Variants in KCNIP4 observed in about 807,000 individuals in gnomAD.
The protein encoded by KCNIP4 is Kv channel-interacting protein 4.
A neutral mutation model predicts 34.0 loss-of-function variants in KCNIP4; 12 were observed. That is an observed-to-expected ratio of 0.35 (90% CI 0.23 to 0.57). The LOEUF (loss-of-function observed/expected upper bound fraction) is 0.57, where lower values mean the gene tolerates loss of function less well. Among genes scored for constraint, KCNIP4 ranks in the 20% least tolerant of loss-of-function variants. The pLI is 0.83. For missense variants in KCNIP4, 238 were observed against 311.7 expected (o/e 0.76, Z 1.78); for synonymous variants, 124 against 102.2 (o/e 1.21, Z -1.29).
intron 1 of KCNIP4, among the ~76,000 whole-genome samples, chr4:21,523,082 G>A (rs1735678309): frequency 1.3e-5 from 2 of 151,944 alleles, no homozygotes; most frequent in Admixed American, 6.6e-5. Context: ...GAGCTAGCTA[G>A]CCCCTTCCAC....
intron 1 of KCNIP4, among the ~76,000 whole-genome samples, chr4:21,120,767 G>T (rs1441930167): frequency 6.6e-6 from 1 of 152,114 alleles, no homozygotes; most frequent in African/African-American, 2.4e-5. Flanking sequence ...GATTTGGGTG[G>T]GGACACAAAG....
intron 1 of KCNIP4, among the ~76,000 whole-genome samples, chr4:21,861,494 A>G (rs1441959108): frequency 6.6e-6 from 1 of 152,056 alleles, no homozygotes; most frequent in African/African-American, 2.4e-5. Context: ...TCTATTAAAA[A>G]TACAAAAATT....
At chr4:21,642,437 C>A (rs1346479966) in intron 1 of KCNIP4, among the ~76,000 whole-genome samples, 5 of 152,122 alleles carry the variant, frequency 3.3e-5, no homozygotes, top group African/African-American at 9.7e-5. Flanking sequence ...CAGTACCTTG[C>A]AGAGCTGTAG....
At chr4:21,694,137 A>G (rs1577859081) in intron 1 of KCNIP4, among the ~76,000 whole-genome samples, 2 of 152,202 alleles carry the variant, frequency 1.3e-5, no homozygotes, top group Non-Finnish European at 2.9e-5. Flanking sequence ...AATAACATTC[A>G]TCCTTCTCAA....
At chr4:20,914,082 G>A (rs538320215) in intron 1 of KCNIP4, among the ~76,000 whole-genome samples, 3 of 152,074 alleles carry the variant, frequency 2.0e-5, no homozygotes, top group South Asian at 2.1e-4. Flanking sequence ...GCTTGAACCC[G>A]GGAGGAGGAG....
intron 3 of KCNIP4, among the ~76,000 whole-genome samples, chr4:20,773,760 A>T (rs1491366): frequency 0.095 from 14,398 of 152,206 alleles, 981 homozygotes; most frequent in African/African-American, 0.2. Flanking sequence ...TAGATAATTT[A>T]AAAAATTAAC....
At chr4:21,673,540 C>A (rs1749661189) in intron 1 of KCNIP4, among the ~76,000 whole-genome samples, 1 of 151,778 alleles carries the variant, frequency 6.6e-6, no homozygotes, top group African/African-American at 2.4e-5. Flanking sequence ...AAAAAATAAA[C>A]CCTCCACTAA....
intron 1 of KCNIP4, among the ~76,000 whole-genome samples, chr4:21,728,285 T>C (rs1356470193): frequency 6.6e-6 from 1 of 152,206 alleles, no homozygotes; most frequent in Admixed American, 6.5e-5. Flanking sequence ...TCTCTGTAAA[T>C]GGCAATACCC....
At chr4:21,467,137 C>G (rs996051646) in intron 1 of KCNIP4, among the ~76,000 whole-genome samples, 1 of 144,310 alleles carries the variant, frequency 6.9e-6, no homozygotes, top group Non-Finnish European at 1.5e-5. Context: ...CATAATAAAA[C>G]AAACTGGATA....
chr4:21,475,938 T>G (rs1289642989), intron 1 of KCNIP4, among the ~76,000 whole-genome samples: 1 of 152,174 alleles, frequency 6.6e-6, no homozygotes, highest in African/African-American at 2.4e-5. Flanking sequence ...TTTTTTCCAA[T>G]GCGCTGTTAT....
chr4:21,947,784 C>T (rs935642631), intron 1 of KCNIP4, among the ~76,000 whole-genome samples: 12 of 152,174 alleles, frequency 7.9e-5, no homozygotes, highest in African/African-American at 1.9e-4. Flanking sequence ...TTTCCGGCTC[C>T]TGTAAAATAC....
At chr4:21,420,516 A>G (rs1234869536) in intron 1 of KCNIP4, among the ~76,000 whole-genome samples, 1 of 152,056 alleles carries the variant, frequency 6.6e-6, no homozygotes, top group Non-Finnish European at 1.5e-5. Flanking sequence ...GAGATTCAAA[A>G]CCCTCAACAT....
At chr4:20,845,924 A>G (rs1306577466) in intron 3 of KCNIP4, among the ~76,000 whole-genome samples, 2 of 152,174 alleles carry the variant, frequency 1.3e-5, no homozygotes, top group East Asian at 3.9e-4. Context: ...GGCCTCATGA[A>G]ACTCCAACCA....
chr4:21,907,520 A>G (rs1728070652), intron 1 of KCNIP4, among the ~76,000 whole-genome samples: 1 of 152,194 alleles, frequency 6.6e-6, no homozygotes, highest in African/African-American at 2.4e-5. Context: ...ACTATTATGT[A>G]CTTTCTTATA....
intron 1 of KCNIP4, among the ~76,000 whole-genome samples, chr4:21,518,851 G>A (rs1735005330): frequency 6.6e-6 from 1 of 152,028 alleles, no homozygotes; most frequent in South Asian, 2.1e-4. Flanking sequence ...GAGCCCAACA[G>A]GAGAGAGTTT....
intron 1 of KCNIP4, among the ~76,000 whole-genome samples, chr4:21,119,891 A>C (rs115054961): frequency 6.6e-6 from 1 of 152,150 alleles, no homozygotes; most frequent in East Asian, 1.9e-4. Flanking sequence ...TTGTCTTTCA[A>C]TGTGTCAGCA....
At chr4:21,622,165 G>C (rs1233273080) in intron 1 of KCNIP4, among the ~76,000 whole-genome samples, 1 of 152,130 alleles carries the variant, frequency 6.6e-6, no homozygotes, top group Non-Finnish European at 1.5e-5. Context: ...CTGTCACCAG[G>C]TAGCAACTAC....
chr4:20,758,874 A>C lies in KCNIP4; in HGVS notation c.305T>G (p.Val102Gly), dbSNP rs867555442. 2 of 1,613,312 alleles carry C rather than the reference A, an allele frequency of 1.2e-6. No homozygotes were observed. The highest frequency in any genetic ancestry group is 1.7e-6 in the Non-Finnish European group (2 of 1,179,428). Residue 102 changes from valine (V) to glycine (G), a missense_variant, in exon 4 of 9, where the codon GTT becomes GGT. Transcript: ENST00000382152. ...CTCTTTGAAGGTTTCTTCATTAACA[A>C]CACCACTGGGGCATTCCTAGGGAAA... ...RGFKNECPSG[V>G]VNEETFKEIY...
chr4:20,807,329 A>T (rs1715217280), intron 3 of KCNIP4, among the ~76,000 whole-genome samples: 1 of 152,160 alleles, frequency 6.6e-6, no homozygotes, highest in Non-Finnish European at 1.5e-5. Context: ...ATTAGTGCAA[A>T]GACAAGTGTG....
Sources: gnomAD v4.1 joint callset for allele counts (sites outside exome capture counted in the v4.1 genomes callset) on GRCh38, gnomAD v4.1.1 for gene constraint, MANE v1.5 for transcripts, NCBI Gene and HGNC (gene_info 2026-07-23, HGNC 2026-07-21) for gene names.